Variants in WDR20 observed in about 807,000 individuals in gnomAD.
The protein encoded by WDR20 is WD repeat domain 20.
A neutral mutation model predicts 38.7 loss-of-function variants in WDR20; 3 were observed. The ratio of observed to expected loss-of-function variants is 0.08; its 90% CI spans 0.04 to 0.20. The LOEUF (loss-of-function observed/expected upper bound fraction) is 0.20. Among genes scored for constraint, WDR20 ranks in the 10% least tolerant of loss-of-function variants. The pLI is 1.00. For missense variants in WDR20, 559 were observed against 727.7 expected (o/e 0.77, Z 2.67); for synonymous variants, 298 against 285.6 (o/e 1.04, Z -0.44).
rs2063870544 is a variant in WDR20 at position 102,221,344 on chromosome 14, T to C, written c.1693-1486T>C. On this transcript the variant is annotated intron_variant, in intron 3 of 3. Transcript: ENST00000335263. The surrounding 1 kb of genome is among the most constrained non-coding windows in gnomAD (Gnocchi z 4.8). ...GATTTGTCACTTCCTGGACACCACA[T>C]AGCTTGTGGAAAGCACTTTCTTAGG... Among the ~76,000 whole-genome samples the C allele has an allele frequency of 1.3e-5, 2 of 152,208 alleles. No individual in the cohort carries two copies. Among genetic ancestry groups the C allele is most frequent in the South Asian group, 4.1e-4 (2 of 4,832 alleles).
downstream of WDR20, chr14:102,212,763 A>AT (rs2062719760): frequency 5.4e-5 from 73 of 1,346,028 alleles, no homozygotes; most frequent in East Asian, 1.9e-3. Context: ...CCTAGGAGAA[A>AT]TTTGGGGAAA....
rs141924434 is a variant in WDR20 at position 102,174,484 on chromosome 14, A to G, written c.250-20454A>G. Among the ~76,000 whole-genome samples, 1,476 of 152,294 alleles carry G rather than the reference A, an allele frequency of 9.7e-3. 24 individuals are homozygous for G. The highest frequency in any genetic ancestry group is 0.034 in the African/African-American group (1,409 of 41,548). On this transcript the variant is annotated intron_variant, in intron 1 of 2. Transcript: ENST00000342702. Reference sequence around the variant, plus strand: ...ACCCAGGCTAGAGTGCAATGGCACAATCTCGGCTCACTGCAACCTCCACCT... The same window carrying G: ...ACCCAGGCTAGAGTGCAATGGCACAGTCTCGGCTCACTGCAACCTCCACCT...
intron 1 of WDR20, among the ~76,000 whole-genome samples, chr14:102,147,781 A>G (rs557360549): frequency 6.6e-6 from 1 of 152,280 alleles, no homozygotes; most frequent in South Asian, 2.1e-4. Context: ...CCCAGGCTGG[A>G]GTGCAATGGC....
chr14:102,153,765 A>G (rs2056711550), intron 1 of WDR20, among the ~76,000 whole-genome samples: 1 of 152,082 alleles, frequency 6.6e-6, no homozygotes. Context: ...CACCTCCCTT[A>G]TTTTATGCAT....
intron 1 of WDR20, among the ~76,000 whole-genome samples, chr14:102,168,750 T>A (rs149255901): frequency 4.7e-4 from 71 of 152,306 alleles, no homozygotes; most frequent in African/African-American, 1.7e-3. Context: ...CTACTTCCAG[T>A]CCTTTCAGTA....
chr14:102,197,605 G>A lies in WDR20; in HGVS notation c.432+2485G>A, dbSNP rs116624971. The A allele has an allele frequency of 2.1e-3, 1,228 of 591,988 alleles. 13 individuals are homozygous for A. Among genetic ancestry groups the A allele is most frequent in the African/African-American group, 0.019 (1,052 of 53,996 alleles). 36.7% of individuals were successfully genotyped at this position (591,988 alleles called of 1,614,324 possible). A position where few individuals can be genotyped will look rare whatever the true frequency, so the allele number is the denominator to read the frequency against. The stretch of plus-strand genomic sequence containing the variant: ...ACAGTGTGGGACTTGGAGTGTCAGA[G>A]TTCGAAGCTGGAAAGATAAATTGGA... On this transcript the variant is annotated intron_variant, in intron 2 of 2. Coordinates refer to ENST00000342702, the MANE Select transcript of WDR20 (RefSeq NM_144574.4).
chr14:102,190,418 A>G (rs1192382939), intron 1 of WDR20, among the ~76,000 whole-genome samples: 1 of 151,550 alleles, frequency 6.6e-6, no homozygotes, highest in Non-Finnish European at 1.5e-5. Flanking sequence ...AAAACAAACA[A>G]ACAAACAAAA....
downstream of WDR20, chr14:102,213,958 T>C: frequency 1.0e-6 from 1 of 985,446 alleles, no homozygotes; most frequent in Non-Finnish European, 1.2e-6. Flanking sequence ...GAACGATTCA[T>C]GGAACACAGC....
chr14:102,139,839 T>TG, upstream of WDR20: 1 of 1,521,062 alleles, frequency 6.6e-7, no homozygotes, highest in East Asian at 2.3e-5. Context: ...AGGCAGGGGG[T>TG]GGGGGAAGAG....
At chr14:102,174,431 A>T (rs1483889716) in intron 1 of WDR20, among the ~76,000 whole-genome samples, 2 of 151,850 alleles carry the variant, frequency 1.3e-5, no homozygotes, top group Admixed American at 6.6e-5. Context: ...TATTATTATT[A>T]TTTTTTGAGA....
intron 1 of WDR20, among the ~76,000 whole-genome samples, chr14:102,189,593 G>A (rs974435342): frequency 4.6e-5 from 7 of 152,130 alleles, no homozygotes; most frequent in Non-Finnish European, 8.8e-5. Flanking sequence ...TTAATAAATT[G>A]GTTCTTCTAT....
At chr14:102,150,491 C>A (rs1310985880) in intron 1 of WDR20, among the ~76,000 whole-genome samples, 1 of 152,100 alleles carries the variant, frequency 6.6e-6, no homozygotes, top group Non-Finnish European at 1.5e-5. Context: ...AAGAATAATT[C>A]AGTAAGAGGG....
intron 1 of WDR20, among the ~76,000 whole-genome samples, chr14:102,176,456 T>C (rs374262603): frequency 2.0e-5 from 3 of 152,170 alleles, no homozygotes; most frequent in African/African-American, 7.2e-5. Flanking sequence ...CCCAGCACTT[T>C]GGGAGGCCAA....
intron 2 of WDR20, among the ~76,000 whole-genome samples, chr14:102,203,785 G>A (rs2060968953): frequency 6.6e-6 from 1 of 151,888 alleles, no homozygotes; most frequent in South Asian, 2.1e-4. Context: ...AGCCCAACAG[G>A]GAATTCCATT....
chr14:102,202,973 G>A (rs1187189863), intron 2 of WDR20, among the ~76,000 whole-genome samples: 2 of 152,152 alleles, frequency 1.3e-5, no homozygotes, highest in Non-Finnish European at 1.5e-5. Context: ...ACACACCCCC[G>A]CTTTCCATCT....
At chr14:102,180,329 C>T (rs1383927157) in intron 1 of WDR20, among the ~76,000 whole-genome samples, 2 of 152,138 alleles carry the variant, frequency 1.3e-5, no homozygotes, top group Non-Finnish European at 2.9e-5. Flanking sequence ...AAGCAAATAG[C>T]TTGTTCAAGC....
chr14:102,148,479 G>A (rs1190580), intron 1 of WDR20, among the ~76,000 whole-genome samples: 99,432 of 150,530 alleles, frequency 0.66, 36,178 homozygotes, highest in East Asian at 0.92. Flanking sequence ...GGTTGAGGCT[G>A]CAGTGAGCGG....
At chr14:102,145,344 T>C (rs754205246) in intron 1 of WDR20, among the ~76,000 whole-genome samples, 3 of 152,200 alleles carry the variant, frequency 2.0e-5, no homozygotes, top group Non-Finnish European at 2.9e-5. Flanking sequence ...AATTTAACCT[T>C]CTTAAAATAG....
chr14:102,197,904 T>G (rs1452304902), intron 2 of WDR20: 2 of 676,244 alleles, frequency 3.0e-6, no homozygotes, highest in Admixed American at 2.1e-5. Flanking sequence ...ATTCAGGACC[T>G]TGACTACCTA....
Sources: gnomAD v4.1 joint callset for allele counts (sites outside exome capture counted in the v4.1 genomes callset) on GRCh38, gnomAD v4.1.1 for gene constraint, Gnocchi (gnomAD v3.1) non-coding constraint, MANE v1.5 for transcripts, NCBI Gene and HGNC (gene_info 2026-07-23, HGNC 2026-07-21) for gene names.